The following DLGAP4 variants were observed in gnomAD, a reference collection of about 807,000 sequenced individuals.
The protein encoded by DLGAP4 is disks large-associated protein 4.
In DLGAP4, 18 loss-of-function variants were observed where a neutral mutation model predicts 86.9. The ratio of observed to expected loss-of-function variants is 0.21; its 90% CI spans 0.14 to 0.31. The LOEUF is 0.31. Among genes scored for constraint, DLGAP4 ranks in the 10% least tolerant of loss-of-function variants. DLGAP4 has a pLI of 1.00. For synonymous variants in DLGAP4, 548 were observed against 574.3 expected, an observed-to-expected ratio of 0.95 and a Z score of 0.65; for missense variants, 1,085 against 1,362.6, an observed-to-expected ratio of 0.80 and a Z score of 3.21.
intron 1 of DLGAP4, among the ~76,000 whole-genome samples, chr20:36,340,619 G>A (rs963935335): frequency 4.4e-4 from 67 of 152,200 alleles, no homozygotes; most frequent in African/African-American, 1.5e-3. Flanking sequence ...TCAGATCAGC[G>A]GCATTAGTTG....
At chr20:36,315,026 TGAGA>T (rs2065084218) in intron 1 of DLGAP4, among the ~76,000 whole-genome samples, 2 of 19,000 alleles carry the variant, frequency 1.1e-4, no homozygotes, top group Admixed American at 6.8e-4. Flanking sequence ...TGTGGTGGTG[TGAGA>T]TGTGTGTGTG....
At chr20:36,435,970 AG>A in intron 3 of DLGAP4, 138 bp from the exon 4 acceptor site, 1 of 1,292,810 alleles carries the variant, frequency 7.7e-7, no homozygotes, top group South Asian at 1.7e-5. Flanking sequence ...TGCTGCCCCG[AG>A]GTTTCAAAGG....
chr20:36,442,798 C>T, intron 6 of DLGAP4, 21 bp downstream of exon 6: 1 of 1,614,190 alleles, frequency 6.2e-7, no homozygotes, highest in Non-Finnish European at 8.5e-7. Context: ...TTGCCCTTCT[C>T]TTCCACCCCA....
intron 7 of DLGAP4, chr20:36,461,464 G>T: frequency 2.0e-6 from 2 of 980,072 alleles, no homozygotes; most frequent in African/African-American, 1.8e-5. Flanking sequence ...CCCGCCCCTC[G>T]GGCGTACAAA....
rs2033165562 is a variant in DLGAP4 at position 36,432,809 on chromosome 20, C to T, written c.999+93C>T. On this transcript the variant is annotated intron_variant, in intron 3 of 12. Coordinates refer to ENST00000339266, the MANE Select transcript of DLGAP4 (RefSeq NM_001365621.2). This position sits in a 1 kb window ranked among gnomAD's most constrained non-coding sequence, Gnocchi z 6.5. ...CGTACCACAGATTCACTTGGAAAGTCACTTCATTCTGGGCCTCTGTGGCTC... is the reference window on the plus strand; with the variant it reads ...CGTACCACAGATTCACTTGGAAAGTTACTTCATTCTGGGCCTCTGTGGCTC... 6.7e-7 allele frequency: 1 copy of T among 1,487,372 alleles called. No individual in the cohort carries two copies. The highest frequency in any genetic ancestry group is 2.1e-5 in the Admixed American group (1 of 47,064). The allele number at this position is 1,487,372 out of a possible 1,614,324, so 92.1% of individuals were successfully genotyped here. A position where few individuals can be genotyped will look rare whatever the true frequency, so the allele number is the denominator to read the frequency against.
At position 36,432,404 on chromosome 20, in the gene DLGAP4, A is replaced by T; in HGVS notation, c.687A>T (p.Thr229=). The part of the protein sequence containing the change: ...RSSGPASGLM[T]LGRQAERSQP... ...GTGGCCCAGCCTCTGGGCTGATGACACTAGGCCGCCAGGCAGAACGCAGCC... is the reference window on the plus strand; with the variant it reads ...GTGGCCCAGCCTCTGGGCTGATGACTCTAGGCCGCCAGGCAGAACGCAGCC... The change falls in exon 3 of 13, where the codon ACA becomes ACT. Residue 229 remains threonine, a synonymous_variant. Transcript: ENST00000339266. This position sits in a 1 kb window ranked among gnomAD's most constrained non-coding sequence, Gnocchi z 6.5. The T allele has an allele frequency of 6.2e-7, 1 of 1,613,696 alleles. No individual in the cohort carries two copies. Among genetic ancestry groups the T allele is most frequent in the Non-Finnish European group, 8.5e-7 (1 of 1,180,028 alleles).
chr20:36,482,081 G>A (rs113559582), intron 7 of DLGAP4, among the ~76,000 whole-genome samples: 2 of 152,284 alleles, frequency 1.3e-5, no homozygotes, highest in African/African-American at 4.8e-5. Flanking sequence ...GTGAACTCAC[G>A]GTTTTCCCCA....
intron 2 of DLGAP4, among the ~76,000 whole-genome samples, chr20:36,394,101 CTT>C (rs901652152): frequency 1.3e-5 from 2 of 152,228 alleles, no homozygotes; most frequent in Middle Eastern, 3.2e-3. Flanking sequence ...CTCTCCCTCT[CTT>C]TCACATACAC....
intron 1 of DLGAP4, among the ~76,000 whole-genome samples, chr20:36,352,118 G>A (rs181492317): frequency 2.0e-5 from 3 of 152,270 alleles, no homozygotes; most frequent in East Asian, 1.9e-4. Context: ...TCCTGGCAGC[G>A]GAAACAGCAA....
rs1295481369 is a variant in DLGAP4 at position 36,478,176 on chromosome 20, C to G, written c.1649-18529C>G. On this transcript the variant is annotated intron_variant, in intron 7 of 12. Transcript: ENST00000339266. ...GTCCAGGGACAGCAAATATCTTGCA[C>G]TGGGCAATTACCCCTCCTACTGGAC... Among the ~76,000 whole-genome samples the G allele has an allele frequency of 5.3e-5, 8 of 152,192 alleles. No individual in the cohort carries two copies. The South Asian group carries it at 1.4e-3, about 28-fold the overall frequency.
intron 7 of DLGAP4, among the ~76,000 whole-genome samples, chr20:36,484,297 C>G (rs2035314971): frequency 6.6e-6 from 1 of 152,230 alleles, no homozygotes; most frequent in African/African-American, 2.4e-5. Context: ...AGCTTCCCAC[C>G]CACTGAGGAC....
intron 10 of DLGAP4, among the ~76,000 whole-genome samples, chr20:36,510,570 C>T (rs1275637737): frequency 6.6e-6 from 1 of 150,866 alleles, no homozygotes; most frequent in African/African-American, 2.4e-5. Context: ...TGGCTGACTC[C>T]TGGCTAATTT....
intron 2 of DLGAP4, among the ~76,000 whole-genome samples, chr20:36,429,421 T>C (rs1431879418): frequency 9.9e-6 from 1 of 100,938 alleles, no homozygotes; most frequent in African/African-American, 3.6e-5. Context: ...TTTTTTTTTT[T>C]TGAGACAGAG....
chr20:36,360,910 G>A (rs896598464), intron 1 of DLGAP4, among the ~76,000 whole-genome samples: 1 of 152,122 alleles, frequency 6.6e-6, no homozygotes, highest in East Asian at 1.9e-4. Flanking sequence ...GACGGGCCAA[G>A]GGTTCAGGAG....
chr20:36,402,834 A>G (rs2032202447), intron 2 of DLGAP4, among the ~76,000 whole-genome samples: 1 of 152,160 alleles, frequency 6.6e-6, no homozygotes, highest in Non-Finnish European at 1.5e-5. Context: ...TGGCTCAGAG[A>G]GGGGAAGCAA....
chr20:36,526,516 C>G (rs1237264483), intron 12 of DLGAP4, among the ~76,000 whole-genome samples: 3 of 152,058 alleles, frequency 2.0e-5, no homozygotes, highest in African/African-American at 4.8e-5. Flanking sequence ...CGGGCTAGTT[C>G]CTGCCCGAGT....
intron 7 of DLGAP4, among the ~76,000 whole-genome samples, chr20:36,479,155 G>A (rs777645779): frequency 2.0e-5 from 3 of 152,172 alleles, no homozygotes; most frequent in East Asian, 3.8e-4. Flanking sequence ...TGAGAGGAAC[G>A]TTGAGTGGGG....
intron 1 of DLGAP4, among the ~76,000 whole-genome samples, chr20:36,352,250 G>A (rs1277656906): frequency 6.6e-6 from 1 of 152,174 alleles, no homozygotes; most frequent in Admixed American, 6.5e-5. Context: ...ACCAGACCTT[G>A]TGGGGCCCTG....
intron 5 of DLGAP4, 80 bp downstream of exon 5, chr20:36,439,948 C>T: frequency 1.6e-6 from 2 of 1,279,194 alleles, no homozygotes; most frequent in Non-Finnish European, 2.2e-6. Context: ...CGCCCAGGCC[C>T]AGCCCATGCT....
Sources: gnomAD v4.1 joint callset for allele counts (sites outside exome capture counted in the v4.1 genomes callset) on GRCh38, gnomAD v4.1.1 for gene constraint, Gnocchi (gnomAD v3.1) non-coding constraint, MANE v1.5 for transcripts, NCBI Gene and HGNC (gene_info 2026-07-23, HGNC 2026-07-21) for gene names.